The following SGSM1 variants were observed in gnomAD, a reference collection of about 807,000 sequenced individuals.
SGSM1 encodes small G protein signaling modulator 1.
Under a neutral mutation model 133.8 loss-of-function variants are expected in SGSM1, and 73 were observed. The ratio of observed to expected loss-of-function variants is 0.55; its 90% confidence interval spans 0.45 to 0.66. The LOEUF (loss-of-function observed/expected upper bound fraction) is 0.66, where lower values mean the gene tolerates loss of function less well. SGSM1 is among the 30% of genes least tolerant of loss of function. SGSM1 has a pLI of 0.00. For synonymous variants in SGSM1, 563 were observed against 573.0 expected (o/e 0.98, Z 0.25); for missense variants, 1,213 against 1,448.1 (o/e 0.84, Z 2.64).
At chr22:24,856,177 G>C in intron 8 of SGSM1, 2 of 339,902 alleles carry the variant, frequency 5.9e-6, no homozygotes, top group South Asian at 4.6e-5. Flanking sequence ...CCATGGACCT[G>C]CTATGTGCTA....
At chr22:24,826,512 C>T (rs996503908) in intron 2 of SGSM1, among the ~76,000 whole-genome samples, 1 of 152,116 alleles carries the variant, frequency 6.6e-6, no homozygotes, top group African/African-American at 2.4e-5. Context: ...TAATGTAGTC[C>T]GATTATCGTC....
At chr22:24,894,378 C>T (rs1236872739) in intron 17 of SGSM1, among the ~76,000 whole-genome samples, 1 of 152,134 alleles carries the variant, frequency 6.6e-6, no homozygotes, top group Non-Finnish European at 1.5e-5. Flanking sequence ...GGGCAACGAG[C>T]GAAACTCCCT....
intron 13 of SGSM1, among the ~76,000 whole-genome samples, chr22:24,878,829 T>C (rs1932166213): frequency 6.6e-6 from 1 of 152,226 alleles, no homozygotes; most frequent in Non-Finnish European, 1.5e-5. Context: ...ATCAGAACTC[T>C]TTCTGCAAGT....
At chr22:24,830,723 G>A (rs1929072150) in intron 2 of SGSM1, among the ~76,000 whole-genome samples, 1 of 59,072 alleles carries the variant, frequency 1.7e-5, no homozygotes, top group South Asian at 4.6e-4. Context: ...GAACTCTAAT[G>A]AACTTTGAGC....
chr22:24,879,767 GA>G (rs1347285007), intron 14 of SGSM1, among the ~76,000 whole-genome samples: 1 of 152,182 alleles, frequency 6.6e-6, no homozygotes, highest in Non-Finnish European at 1.5e-5. Context: ...GTCCCCTGGG[GA>G]CAGAGATTTG....
At chr22:24,889,196 G>A (rs931464016) in intron 16 of SGSM1, among the ~76,000 whole-genome samples, 1 of 151,990 alleles carries the variant, frequency 6.6e-6, no homozygotes, top group South Asian at 2.1e-4. Flanking sequence ...TGCTGACCTC[G>A]TGATCCGCCT....
intron 22 of SGSM1, among the ~76,000 whole-genome samples, chr22:24,913,668 G>A (rs1351323188): frequency 2.0e-5 from 3 of 152,106 alleles, no homozygotes; most frequent in Non-Finnish European, 4.4e-5. Context: ...CATAAGAAAG[G>A]TAAAAGAGTA....
Position 24,898,317 on chromosome 22 carries a change from G to A in SGSM1, c.2368G>A (p.Glu790Lys), listed in dbSNP as rs372518036. Residue 790 changes from glutamate (E) to lysine (K), a missense_variant, in exon 19 of 25, where the codon GAG becomes AAG. Physicochemically the swap from Glu to Lys is moderately conservative, Grantham distance 56 (BLOSUM62 1). Transcript: ENST00000400358. Reference protein sequence around the residue: ...DSLESDLLANESMDEFMSITG... With the variant: ...DSLESDLLANKSMDEFMSITG... ...CCTGGAGAGTGACCTCCTGGCCAAC[G>A]AGAGCATGGACGAGTTCATGTCCAT... 26 of 1,613,860 alleles carry A rather than the reference G, an allele frequency of 1.6e-5. No homozygotes were observed. The Admixed American group carries it at 2.5e-4, about 16-fold the overall frequency.
chr22:24,867,025 C>A, intron 9 of SGSM1, 68 bp from the exon 10 acceptor site: 1 of 1,498,792 alleles, frequency 6.7e-7, no homozygotes, highest in Non-Finnish European at 9.2e-7. Flanking sequence ...GGTCTGCTGG[C>A]CTCTGAGCCC....
At chr22:24,844,680 C>G in intron 2 of SGSM1, 1 of 549,870 alleles carries the variant, frequency 1.8e-6, no homozygotes, top group Non-Finnish European at 3.3e-6. Context: ...GTGTGAAGAA[C>G]CTGAACGAAT....
chr22:24,815,348 C>A (rs551499274), intron 2 of SGSM1, among the ~76,000 whole-genome samples: 1 of 152,300 alleles, frequency 6.6e-6, no homozygotes, highest in Non-Finnish European at 1.5e-5. Context: ...TTGAGTCCCG[C>A]AGCCGAAGAG....
At chr22:24,827,943 C>T (rs1928890556) in intron 2 of SGSM1, among the ~76,000 whole-genome samples, 1 of 151,910 alleles carries the variant, frequency 6.6e-6, no homozygotes, top group Non-Finnish European at 1.5e-5. Context: ...GGAATGCAAG[C>T]AGATGTTGGC....
At chr22:24,868,266 G>T in intron 10 of SGSM1, 110 bp from the exon 11 acceptor site, 1 of 1,433,226 alleles carries the variant, frequency 7.0e-7, no homozygotes. Flanking sequence ...CTCAGAGCAG[G>T]ATCCCTGGGT....
rs904572900 is a variant in SGSM1 at position 24,886,671 on chromosome 22, G to A, written c.1713G>A (p.Val571=). 3.2e-6 allele frequency: 5 copies of A among 1,570,502 alleles called. No homozygotes were observed. Among genetic ancestry groups the A allele is most frequent in the Non-Finnish European group, 3.5e-6 (4 of 1,158,296 alleles). The part of the protein sequence containing the change: ...GGIQPEIRKA[V]WPFLLGHYQF... ...TCCAGCCTGAGATCCGCAAGGCCGTGTGGCCCTTCCTCCTGGGCCACTACC... is the reference window on the plus strand; with the variant it reads ...TCCAGCCTGAGATCCGCAAGGCCGTATGGCCCTTCCTCCTGGGCCACTACC... The change falls in exon 16 of 25, where the codon GTG becomes GTA. Residue 571 remains valine (V), a synonymous_variant. Transcript: ENST00000400358.
At chr22:24,923,001 A>C (rs1310813118) in intron 24 of SGSM1, among the ~76,000 whole-genome samples, 2 of 152,102 alleles carry the variant, frequency 1.3e-5, no homozygotes, top group Non-Finnish European at 2.9e-5. Context: ...GATGGTGCAT[A>C]CCTGTAATCC....
intron 18 of SGSM1, 26 bp downstream of exon 18, chr22:24,895,317 T>C (rs766054314): frequency 1.2e-5 from 19 of 1,598,566 alleles, no homozygotes; most frequent in Non-Finnish European, 1.5e-5. Context: ...CCTCGCCCCC[T>C]CCCACCCACT....
At chr22:24,867,766 C>G (rs1281076855) in intron 10 of SGSM1, among the ~76,000 whole-genome samples, 3 of 152,150 alleles carry the variant, frequency 2.0e-5, no homozygotes, top group South Asian at 2.1e-4. Context: ...GAACAAAACA[C>G]GGTGATTTAA....
chr22:24,922,851 G>A (rs1279103383), intron 24 of SGSM1, among the ~76,000 whole-genome samples: 1 of 152,196 alleles, frequency 6.6e-6, no homozygotes, highest in South Asian at 2.1e-4. Context: ...TGGGACCCTG[G>A]GTACAGTGGC....
Position 24,868,798 on chromosome 22 carries a change from G to C in SGSM1, c.1234G>C (p.Asp412His), listed in dbSNP as rs1265474827. ...AESTSSDKDDDEATDYVFRII... is the reference protein window; with the variant it reads ...AESTSSDKDDHEATDYVFRII... ...GTCCACATCTTCAGACAAAGATGATGATGAGGCCACGGATTATGTGTTCAG... is the reference window on the plus strand; with the variant it reads ...GTCCACATCTTCAGACAAAGATGATCATGAGGCCACGGATTATGTGTTCAG... The change falls in exon 12 of 25, where the codon GAT (aspartate) becomes CAT (histidine). Residue 412 changes from aspartate (D) to histidine (H), a missense_variant. Coordinates refer to ENST00000400358, the MANE Select transcript of SGSM1 (RefSeq NM_001098497.3). 1 of 1,614,026 alleles carries C rather than the reference G, an allele frequency of 6.2e-7. No individual in the cohort carries two copies.
Sources: gnomAD v4.1 joint callset for allele counts (sites outside exome capture counted in the v4.1 genomes callset) on GRCh38, gnomAD v4.1.1 for gene constraint, MANE v1.5 for transcripts, NCBI Gene and HGNC (gene_info 2026-07-23, HGNC 2026-07-21) for gene names.